COL28A1: variants seen among roughly 807,000 people sequenced by gnomAD.
COL28A1 encodes the protein collagen alpha-1(XXVIII) chain.
COL28A1 carries 161 observed loss-of-function variants against 150.2 expected under a neutral mutation model. The observed-to-expected ratio is 1.07, with a 90% confidence interval of 0.94 to 1.22. COL28A1 has a LOEUF of 1.22. COL28A1 is among the 50% of genes most tolerant of loss of function. The pLI, the probability that COL28A1 is intolerant of heterozygous loss-of-function variation, is 0.00. For missense variants in COL28A1, 1,617 were observed against 1,388.3 expected (o/e 1.16, Z -2.62); for synonymous variants, 552 against 469.7 (o/e 1.18, Z -2.26).
intron 15 of COL28A1, among the ~76,000 whole-genome samples, chr7:7,472,295 T>C (rs886803058): frequency 3.3e-5 from 5 of 152,140 alleles, no homozygotes; most frequent in African/African-American, 1.2e-4. Context: ...AGAAAGCTCC[T>C]AGAATTGATA....
chr7:7,484,651 A>T (rs1779526621), intron 13 of COL28A1, among the ~76,000 whole-genome samples: 1 of 152,194 alleles, frequency 6.6e-6, no homozygotes, highest in African/African-American at 2.4e-5. Flanking sequence ...TCATATGGTC[A>T]GTATATTTTT....
At chr7:7,529,357 GTATAC>G (rs1554294089) in intron 3 of COL28A1, among the ~76,000 whole-genome samples, 9 of 151,520 alleles carry the variant, frequency 5.9e-5, no homozygotes, top group Non-Finnish European at 1.0e-4. Context: ...TTGAAAGTTG[GTATAC>G]CATTCTTTGA....
At chr7:7,515,931 A>G in intron 7 of COL28A1, 91 bp from the exon 8 acceptor site, 1 of 744,294 alleles carries the variant, frequency 1.3e-6, no homozygotes, top group South Asian at 1.5e-5. Context: ...AAGGTATAAC[A>G]AAAACACATC....
Position 7,473,279 on chromosome 7 carries a change from C to T in COL28A1, c.1302+1322G>A, listed in dbSNP as rs74844170. Among the ~76,000 whole-genome samples the T allele has an allele frequency of 8.6e-3, 1,305 of 152,260 alleles. 6 individuals are homozygous for T. The highest frequency in any genetic ancestry group is 0.041 in the Middle Eastern group (12 of 294). On this transcript the variant is annotated intron_variant, in intron 15 of 34. Coordinates refer to ENST00000399429, the MANE Select transcript of COL28A1 (RefSeq NM_001037763.3). The stretch of plus-strand genomic sequence containing the variant: ...CCCACAGAATGGGAGAAAATCTTCA[C>T]AATCTATACACCTGACAAAGGACTA...
intron 20 of COL28A1, among the ~76,000 whole-genome samples, chr7:7,441,781 C>CTA (rs1373332659): frequency 1.3e-5 from 2 of 152,052 alleles, no homozygotes; most frequent in East Asian, 3.9e-4. Context: ...AATCATTAGA[C>CTA]TATACTAAGG....
chr7:7,387,362 T>A (rs1186776202), intron 27 of COL28A1, among the ~76,000 whole-genome samples: 1 of 152,100 alleles, frequency 6.6e-6, no homozygotes, highest in Non-Finnish European at 1.5e-5. Flanking sequence ...TACTAAAGAA[T>A]AAAACAATAC....
intron 33 of COL28A1, among the ~76,000 whole-genome samples, chr7:7,369,441 C>A (rs1287780418): frequency 6.6e-6 from 1 of 152,180 alleles, no homozygotes; most frequent in Non-Finnish European, 1.5e-5. Flanking sequence ...GAACAGAAAT[C>A]AAATTACCTG....
chr7:7,507,142 C>T lies in COL28A1; in HGVS notation c.947G>A (p.Gly316Glu). The T allele has an allele frequency of 7.8e-7, 1 of 1,279,938 alleles. No individual in the cohort carries two copies. Among genetic ancestry groups the T allele is most frequent in the Non-Finnish European group, 1.1e-6 (1 of 876,896 alleles). 79.3% of individuals were successfully genotyped at this position (1,279,938 alleles called of 1,614,324 possible). A position where few individuals can be genotyped will look rare whatever the true frequency, so the allele number is the denominator to read the frequency against. ...CTGAATTCCTCTGGGTCCCTTTGGT[C>T]CATATGGCCCTGGGGATCCCTGTGG... is the stretch of plus-strand genomic sequence containing the variant. ...KGDKGSPGPY[G>E]PKGPRGIQGI... Residue 316 changes from glycine (G) to glutamate (E), a missense_variant, in exon 10 of 35, where the codon GGA becomes GAA. Physicochemically the swap from Gly to Glu is moderately conservative, Grantham distance 98 (BLOSUM62 -2). Coordinates refer to ENST00000399429, the MANE Select transcript of COL28A1 (RefSeq NM_001037763.3).
chr7:7,419,255 G>T (rs1784269134), intron 26 of COL28A1, among the ~76,000 whole-genome samples: 1 of 152,194 alleles, frequency 6.6e-6, no homozygotes, highest in African/African-American at 2.4e-5. Flanking sequence ...GGGCATTGTA[G>T]AATGGTTGGC....
chr7:7,474,651 C>A lies in COL28A1; in HGVS notation c.1252G>T (p.Gly418Ter), dbSNP rs964768065. Reference protein sequence around the residue: ...PGPKGEKGSEGPTGPQGLQGL... With the variant: ...PGPKGEKGSE ...TGTAATCCCTGTGGGCCAGTTGGTC[C>A]TTCAGAACCTTTTTCACCCTGAAAG... is the stretch of plus-strand genomic sequence containing the variant. The change falls in exon 15 of 35, where the codon GGA (glycine) becomes TGA (stop). Residue 418 changes from glycine to a stop codon, truncating the protein, a stop_gained. Coordinates refer to ENST00000399429, the MANE Select transcript of COL28A1 (RefSeq NM_001037763.3). LOFTEE classifies it high-confidence loss of function. The A allele has an allele frequency of 2.8e-6, 4 of 1,420,370 alleles. No homozygotes were observed. The highest frequency in any genetic ancestry group is 4.0e-6 in the Non-Finnish European group (4 of 1,003,422). The allele number at this position is 1,420,370 out of a possible 1,614,324, so 88.0% of individuals were successfully genotyped here.
intron 11 of COL28A1, 99 bp from the exon 12 acceptor site, chr7:7,490,745 G>A (rs916582873): frequency 5.8e-5 from 35 of 599,270 alleles, no homozygotes; most frequent in Non-Finnish European, 1.0e-4. Context: ...GGGGCTTTCA[G>A]AGCAACAACA....
In COL28A1 at chr7:7,453,479, AC is replaced by A; in HGVS notation, c.1400del (p.Gly467ValfsTer17). On this transcript the variant is annotated frameshift_variant, in exon 17 of 35. Transcript: ENST00000399429. LOFTEE classifies it high-confidence loss of function. Reference protein sequence around the residue: ...QGIQGPIGPPGPQGPAGQGLP... With the variant: ...QGIQGPIGPPXPQGPAGQGLP... ...AGCCCTGTCCTGCGGGCCCTTGTGGACCAGGTGGACCAATAGGACCTTGGAT... is the reference window on the plus strand; with the variant it reads ...AGCCCTGTCCTGCGGGCCCTTGTGGACAGGTGGACCAATAGGACCTTGGAT... The A allele has an allele frequency of 4.0e-6, 5 of 1,260,358 alleles. No individual in the cohort carries two copies. Among genetic ancestry groups the A allele is most frequent in the African/African-American group, 1.5e-5 (1 of 67,622 alleles). The allele number at this position is 1,260,358 out of a possible 1,614,324, so 78.1% of individuals were successfully genotyped here.
chr7:7,511,894 T>A (rs1391557822), intron 8 of COL28A1: 1 of 430,748 alleles, frequency 2.3e-6, no homozygotes, highest in Non-Finnish European at 4.8e-6. Flanking sequence ...AGTGATAGTT[T>A]ATCATAAATA....
intron 6 of COL28A1, among the ~76,000 whole-genome samples, 188 bp from the exon 7 acceptor site, chr7:7,518,025 C>T (rs1194448438): frequency 1.3e-5 from 2 of 151,930 alleles, no homozygotes; most frequent in African/African-American, 2.4e-5. Context: ...ATAAACTTTG[C>T]CCTTTGCAGT....
At chr7:7,415,095 G>A (rs538253554) in intron 27 of COL28A1, among the ~76,000 whole-genome samples, 9 of 152,288 alleles carry the variant, frequency 5.9e-5, no homozygotes, top group Non-Finnish European at 1.0e-4. Flanking sequence ...TTAGGTTGAA[G>A]CAAATCACTT....
At chr7:7,475,252 C>A (rs1788769013) in intron 14 of COL28A1, among the ~76,000 whole-genome samples, 1 of 152,230 alleles carries the variant, frequency 6.6e-6, no homozygotes, top group African/African-American at 2.4e-5. Flanking sequence ...ATACTTCATG[C>A]ATTTTTATGA....
intron 11 of COL28A1, among the ~76,000 whole-genome samples, chr7:7,499,253 A>G (rs1337168973): frequency 2.0e-5 from 3 of 152,184 alleles, no homozygotes; most frequent in Non-Finnish European, 4.4e-5. Context: ...CGGCTTGGCT[A>G]TGAGTCTTCA....
At chr7:7,344,747 C>A in the COL28A1 span, among the ~76,000 whole-genome samples, 1 of 151,972 alleles carries the variant, frequency 6.6e-6, no homozygotes, top group Non-Finnish European at 1.5e-5. Flanking sequence ...GACATTCCCC[C>A]CAGCAACAAA....
chr7:7,523,191 C>A (rs1781835866), intron 4 of COL28A1, among the ~76,000 whole-genome samples: 1 of 146,458 alleles, frequency 6.8e-6, no homozygotes. Flanking sequence ...ACGGGAGTCT[C>A]ACTCTGCCAC....
Sources: allele counts gnomAD v4.1 joint callset (sites outside exome capture counted in the v4.1 genomes callset), GRCh38; gene constraint gnomAD v4.1.1; transcripts MANE v1.5; gene names NCBI Gene and HGNC (gene_info 2026-07-23, HGNC 2026-07-21).